Variants in LRRC74A observed in about 807,000 individuals in gnomAD.
The protein encoded by LRRC74A is leucine rich repeat containing 74A.
In LRRC74A, 44 loss-of-function variants were observed where a neutral mutation model predicts 57.9. The observed-to-expected ratio is 0.76, with a 90% confidence interval of 0.60 to 0.98. The LOEUF is 0.98. Ranked by LOEUF, LRRC74A falls within the 50% of genes least tolerant of loss-of-function variation. LRRC74A has a pLI of 0.00. For missense variants in LRRC74A, 572 were observed against 574.0 expected, an observed-to-expected ratio of 1.00 and a Z score of 0.04; for synonymous variants, 211 against 219.4, an observed-to-expected ratio of 0.96 and a Z score of 0.34.
intron 9 of LRRC74A, 129 bp downstream of exon 9, chr14:76,853,539 G>T: frequency 2.3e-6 from 2 of 881,372 alleles, no homozygotes; most frequent in South Asian, 3.4e-5. Flanking sequence ...CTTCATATAT[G>T]CATGTACTTT....
At position 76,867,348 on chromosome 14, in the gene LRRC74A, C is replaced by T. The variant is rs1480417484; in HGVS notation, c.1309-8C>T. On this transcript the variant is annotated splice_polypyrimidine_tract_variant and splice_region_variant and intron_variant, in intron 12 of 13. Coordinates refer to ENST00000689127, the MANE Select transcript of LRRC74A (RefSeq NM_001385106.1). ...TATTAACTGCACATGTTCCATCCAC[C>T]TCCTCAGCAAAACAAGGTCCCCCTG... 4 of 1,487,234 alleles carry T rather than the reference C, an allele frequency of 2.7e-6. No homozygotes were observed. Among genetic ancestry groups the T allele is most frequent in the Non-Finnish European group, 3.7e-6 (4 of 1,067,366 alleles). 92.1% of individuals were successfully genotyped at this position (1,487,234 alleles called of 1,614,324 possible). A position where few individuals can be genotyped will look rare whatever the true frequency, so the allele number is the denominator to read the frequency against.
intron 7 of LRRC74A, among the ~76,000 whole-genome samples, chr14:76,851,469 T>C (rs925436768): frequency 1.4e-4 from 21 of 152,312 alleles, no homozygotes; most frequent in African/African-American, 5.1e-4. Context: ...TCAGTTCTCC[T>C]GCCTCAGCTT....
rs1897988647 is a variant in LRRC74A at position 76,857,441 on chromosome 14, A to T, written c.1019A>T (p.Asn340Ile). ...TTACTTATCCTGGCTATCAAGAGGA[A>T]CCCCAAATCCAGGATGGAAGAGCTT... ...AILLILAIKR[N>I]PKSRMEELDI... The change falls in exon 10 of 14, where the codon AAC becomes ATC. Residue 340 changes from asparagine to isoleucine, a missense_variant. Physicochemically the swap from Asn to Ile is moderately radical, Grantham distance 149. Transcript: ENST00000689127. 6.3e-7 allele frequency: 1 copy of T among 1,586,752 alleles called. No homozygotes were observed. The highest frequency in any genetic ancestry group is 1.8e-5 in the Admixed American group (1 of 55,866).
At position 76,831,189 on chromosome 14, in the gene LRRC74A, A is replaced by G. The variant is rs539433373; in HGVS notation, c.167-14A>G. Reference sequence around the variant, plus strand: ...TGGAAGAGAAATCCTACTTCAGCCCATCTTTCTCTGCAGATGATGAGAAAT... The same window carrying G: ...TGGAAGAGAAATCCTACTTCAGCCCGTCTTTCTCTGCAGATGATGAGAAAT... On this transcript the variant is annotated splice_polypyrimidine_tract_variant and intron_variant, in intron 2 of 13. Coordinates refer to ENST00000689127, the MANE Select transcript of LRRC74A (RefSeq NM_001385106.1). 8.7e-6 allele frequency: 14 copies of G among 1,613,720 alleles called. No homozygotes were observed. Among genetic ancestry groups the G allele is most frequent in the African/African-American group, 8.0e-5 (6 of 75,050 alleles).
chr14:76,831,334 C>T lies in LRRC74A; in HGVS notation c.298C>T (p.Leu100=). 1 of 1,613,906 alleles carries T rather than the reference C, an allele frequency of 6.2e-7. No individual in the cohort carries two copies. Among genetic ancestry groups the T allele is most frequent in the Non-Finnish European group, 8.5e-7 (1 of 1,179,880 alleles). The change falls in exon 3 of 14, where the codon CTG becomes TTG. Residue 100 remains leucine, a synonymous_variant. Transcript: ENST00000689127. ...ESYVNLNHHG[L]GPRGTKAIAI... Reference sequence around the variant, plus strand: ...CTACGTGAACCTCAACCACCACGGCCTGGGCCCCAGGGGTACCAAGGCTAT... The same window carrying T: ...CTACGTGAACCTCAACCACCACGGCTTGGGCCCCAGGGGTACCAAGGCTAT...
chr14:76,843,484 A>T lies in LRRC74A; in HGVS notation c.545-939A>T, dbSNP rs534307116. 4.6e-5 allele frequency among the ~76,000 whole-genome samples: 7 copies of T among 152,122 alleles called. No homozygotes were observed. In the East Asian group the frequency reaches 9.7e-4, roughly 21 times the overall value. On this transcript the variant is annotated intron_variant, in intron 5 of 13. Coordinates refer to ENST00000689127, the MANE Select transcript of LRRC74A (RefSeq NM_001385106.1). ...TCCCAGTCCTGCTGCTTGAACTTGG[A>T]TGAGCATTTTTAGGATGTTATAGAC...
At position 76,860,943 on chromosome 14, in the gene LRRC74A, C is replaced by G. The variant is rs115974999; in HGVS notation, c.1200+104C>G. 246 of 1,091,362 alleles carry G rather than the reference C, an allele frequency of 2.3e-4. No homozygotes were observed. In the African/African-American group the frequency reaches 3.6e-3, roughly 16 times the overall value. The allele number at this position is 1,091,362 out of a possible 1,614,324, so 67.6% of individuals were successfully genotyped here. ...CTTCTCCCTCCCCACAGTGTCTGTA[C>G]AACCCTCTCTGATAAGGAATGTCTC... On this transcript the variant is annotated intron_variant, in intron 11 of 13. Transcript: ENST00000689127.
At chr14:76,861,176 A>C (rs1040644647) in intron 11 of LRRC74A, among the ~76,000 whole-genome samples, 1 of 152,190 alleles carries the variant, frequency 6.6e-6, no homozygotes, top group Non-Finnish European at 1.5e-5. Flanking sequence ...CAGTCTCTTC[A>C]CCTGCAGAAT....
chr14:76,837,818 T>C (rs1371008772), intron 4 of LRRC74A, 57 bp from the exon 5 acceptor site: 1 of 1,025,106 alleles, frequency 9.8e-7, no homozygotes, highest in Non-Finnish European at 1.5e-6. Context: ...CATCATTTTT[T>C]CATGAGGGCC....
intron 9 of LRRC74A, 87 bp downstream of exon 9, chr14:76,853,497 A>C: frequency 8.2e-7 from 1 of 1,219,888 alleles, no homozygotes; most frequent in Non-Finnish European, 1.1e-6. Context: ...GGGGCTGCAG[A>C]GTACTGGAGA....
At chr14:76,869,007 G>GCT (rs1899196135) in intron 13 of LRRC74A, among the ~76,000 whole-genome samples, 1 of 152,212 alleles carries the variant, frequency 6.6e-6, no homozygotes, top group South Asian at 2.1e-4. Flanking sequence ...GCCAAAGGTG[G>GCT]CTCAGGCCCG....
intron 5 of LRRC74A, among the ~76,000 whole-genome samples, chr14:76,838,492 A>G (rs377631578): frequency 0.038 from 5,767 of 152,306 alleles, 155 homozygotes; most frequent in Middle Eastern, 0.078. Context: ...TGCAGCATAG[A>G]AAGACAAAGA....
intron 10 of LRRC74A, among the ~76,000 whole-genome samples, chr14:76,857,701 T>C (rs1445522470): frequency 6.6e-6 from 1 of 152,082 alleles, no homozygotes; most frequent in Non-Finnish European, 1.5e-5. Context: ...ATTTACCAGA[T>C]GCTAGAAACT....
At chr14:76,870,027 A>G in intron 13 of LRRC74A, 98 bp from the exon 14 acceptor site, 1 of 1,349,764 alleles carries the variant, frequency 7.4e-7, no homozygotes, top group Non-Finnish European at 1.0e-6. Context: ...TGGGTTTACA[A>G]ATGGTCTCCT....
At chr14:76,834,492 T>C (rs1896181115) in intron 3 of LRRC74A, among the ~76,000 whole-genome samples, 1 of 152,226 alleles carries the variant, frequency 6.6e-6, no homozygotes, top group South Asian at 2.1e-4. Flanking sequence ...TTCACATGTT[T>C]GTGTTTCCCT....
chr14:76,833,867 AC>A (rs1200113227), intron 3 of LRRC74A, among the ~76,000 whole-genome samples: 1 of 152,224 alleles, frequency 6.6e-6, no homozygotes, highest in Non-Finnish European at 1.5e-5. Context: ...TAGGAAAAAA[AC>A]ATAGTATATT....
At chr14:76,865,392 A>G (rs967116364) in intron 11 of LRRC74A, among the ~76,000 whole-genome samples, 7 of 152,178 alleles carry the variant, frequency 4.6e-5, no homozygotes, top group Admixed American at 6.5e-5. Flanking sequence ...AGGGATGACT[A>G]TATTTTTTAA....
At position 76,831,348 on chromosome 14, in the gene LRRC74A, T is replaced by A. The variant is rs764919401; in HGVS notation, c.312T>A (p.Gly104=). ...ACCACCACGGCCTGGGCCCCAGGGG[T>A]ACCAAGGCTATTGCTATAGCCCTGG... ...NLNHHGLGPR[G]TKAIAIALVS... is the part of the protein sequence containing the mutation. The change falls in exon 3 of 14, where the codon GGT becomes GGA. Residue 104 remains glycine (G), a synonymous_variant. Coordinates refer to ENST00000689127, the MANE Select transcript of LRRC74A (RefSeq NM_001385106.1). 38 of 1,613,510 alleles carry A rather than the reference T, an allele frequency of 2.4e-5. No homozygotes were observed. In the African/African-American group the frequency reaches 4.0e-4, roughly 17 times the overall value.
intron 10 of LRRC74A, 80 bp from the exon 11 acceptor site, chr14:76,860,613 G>C: frequency 7.5e-7 from 1 of 1,340,234 alleles, no homozygotes; most frequent in Non-Finnish European, 1.0e-6. Flanking sequence ...TGGCTTGGGT[G>C]GAAGGGGTAG....
Sources: gnomAD v4.1 joint callset for allele counts (sites outside exome capture counted in the v4.1 genomes callset) on GRCh38, gnomAD v4.1.1 for gene constraint, MANE v1.5 for transcripts, NCBI Gene and HGNC (gene_info 2026-07-23, HGNC 2026-07-21) for gene names.